TRHDE: variants seen among roughly 807,000 people sequenced by gnomAD.
TRHDE encodes thyrotropin-releasing hormone-degrading ectoenzyme.
TRHDE carries 72 observed loss-of-function variants against 125.7 expected under a neutral mutation model. The observed-to-expected ratio is 0.57, with a 90% confidence interval of 0.47 to 0.70. The LOEUF (loss-of-function observed/expected upper bound fraction) is 0.70, where lower values mean the gene tolerates loss of function less well. Ranked by LOEUF, TRHDE falls within the 30% of genes least tolerant of loss-of-function variation. The probability of loss-of-function intolerance (pLI) is 0.00; values close to 1 mark genes in which losing one functional copy is unlikely to be tolerated. For synonymous variants in TRHDE, 509 were observed against 509.1 expected, an observed-to-expected ratio of 1.00 and a Z score of 0.00; for missense variants, 1,110 against 1,327.1, an observed-to-expected ratio of 0.84 and a Z score of 2.54.
At chr12:72,322,082 C>G (rs1262939843) in intron 2 of TRHDE, among the ~76,000 whole-genome samples, 2 of 152,110 alleles carry the variant, frequency 1.3e-5, no homozygotes, top group African/African-American at 4.8e-5. Context: ...ATTCTATTTG[C>G]TAAAATGTAT....
intron 5 of TRHDE, among the ~76,000 whole-genome samples, chr12:72,481,098 A>C (rs908949700): frequency 6.6e-6 from 1 of 152,076 alleles, no homozygotes; most frequent in African/African-American, 2.4e-5. Flanking sequence ...GCAACCAAAG[A>C]AAAATTCATT....
rs910960732 is a variant in TRHDE, at chr12:72,433,476, T to C, written c.1316-36282T>C. 3.9e-5 allele frequency among the ~76,000 whole-genome samples: 6 copies of C among 152,194 alleles called. No individual in the cohort carries two copies. In the South Asian group the frequency reaches 1.2e-3, roughly 32 times the overall value. ...GGTGCTGGACAGGAGCAGTAGCCTT[T>C]AGTCTCCTTGGCTTGCCTCCCCGAG... is the stretch of plus-strand genomic sequence containing the variant. On this transcript the variant is annotated intron_variant, in intron 3 of 18. Coordinates refer to ENST00000261180, the MANE Select transcript of TRHDE (RefSeq NM_013381.3).
At chr12:72,332,004 A>G (rs1869619760) in intron 2 of TRHDE, among the ~76,000 whole-genome samples, 1 of 152,172 alleles carries the variant, frequency 6.6e-6, no homozygotes, top group African/African-American at 2.4e-5. Flanking sequence ...TGTAGGCTTT[A>G]CAAGAAGCAT....
chr12:72,655,707 C>A (rs1565825282), intron 17 of TRHDE, among the ~76,000 whole-genome samples: 1 of 152,124 alleles, frequency 6.6e-6, no homozygotes, highest in Non-Finnish European at 1.5e-5. Context: ...CTTATTATAT[C>A]TTCACAGGAC....
chr12:72,201,364 A>C (rs1431865024), intron 2 of TRHDE, among the ~76,000 whole-genome samples: 1 of 152,196 alleles, frequency 6.6e-6, no homozygotes, highest in African/African-American at 2.4e-5. Flanking sequence ...AAAATAAAGT[A>C]GAAAATTGGA....
At chr12:72,588,918 G>C (rs1342426515) in intron 12 of TRHDE, among the ~76,000 whole-genome samples, 1 of 152,134 alleles carries the variant, frequency 6.6e-6, no homozygotes, top group African/African-American at 2.4e-5. Context: ...GGTAGGAAAA[G>C]GAAGTGGAAA....
intron 1 of TRHDE, among the ~76,000 whole-genome samples, chr12:72,091,661 G>C (rs1236573845): frequency 6.6e-6 from 1 of 152,144 alleles, no homozygotes; most frequent in African/African-American, 2.4e-5. Flanking sequence ...GTATACCACT[G>C]GGGGCTATAT....
At chr12:72,393,713 C>G (rs1399330262) in intron 3 of TRHDE, among the ~76,000 whole-genome samples, 2 of 152,088 alleles carry the variant, frequency 1.3e-5, no homozygotes, top group African/African-American at 4.8e-5. Flanking sequence ...TTGATTTATT[C>G]TGATCGGTAT....
At chr12:72,127,446 T>C (rs1420918003) in intron 2 of TRHDE, among the ~76,000 whole-genome samples, 1 of 152,188 alleles carries the variant, frequency 6.6e-6, no homozygotes, top group African/African-American at 2.4e-5. Context: ...TAGGTGCCCA[T>C]CAATGGTGGA....
At chr12:72,334,320 G>C (rs929000948) in intron 2 of TRHDE, among the ~76,000 whole-genome samples, 4 of 152,150 alleles carry the variant, frequency 2.6e-5, no homozygotes, top group Non-Finnish European at 2.9e-5. Flanking sequence ...CTTCATGATA[G>C]AACAGATATA....
chr12:72,118,575 T>C (rs1875502251), intron 2 of TRHDE, among the ~76,000 whole-genome samples: 1 of 152,164 alleles, frequency 6.6e-6, no homozygotes, highest in African/African-American at 2.4e-5. Flanking sequence ...AGAATAAGTT[T>C]GGCAGTATTG....
At chr12:72,228,282 C>T (rs1213865433) in intron 2 of TRHDE, among the ~76,000 whole-genome samples, 4 of 152,200 alleles carry the variant, frequency 2.6e-5, no homozygotes, top group East Asian at 3.8e-4. Flanking sequence ...TCCCAAACCT[C>T]GGTTCTTTAC....
At chr12:72,162,502 A>G (rs1031428070) in intron 2 of TRHDE, among the ~76,000 whole-genome samples, 2 of 152,120 alleles carry the variant, frequency 1.3e-5, no homozygotes, top group African/African-American at 4.8e-5. Context: ...TGCATTGGCG[A>G]TGGTTGCTTT....
rs5799077 is a variant in TRHDE at position 72,479,647 on chromosome 12, GT to G, written c.1584+6476del. 1.9e-4 allele frequency among the ~76,000 whole-genome samples: 28 copies of G among 148,896 alleles called. No individual in the cohort carries two copies. The South Asian group carries it at 3.8e-3, about 20-fold the overall frequency. ...ACATGTTTTTAAAGGATTTTTTTTT[GT>G]TTTTTTTTAATTTTTATTTTATTAT... is the stretch of plus-strand genomic sequence containing the variant. On this transcript the variant is annotated intron_variant, in intron 5 of 18. Coordinates refer to ENST00000261180, the MANE Select transcript of TRHDE (RefSeq NM_013381.3).
intron 7 of TRHDE, among the ~76,000 whole-genome samples, chr12:72,550,667 G>A (rs1869632790): frequency 6.6e-6 from 1 of 151,764 alleles, no homozygotes; most frequent in Non-Finnish European, 1.5e-5. Context: ...TTACTTTGGT[G>A]TCTAATTTTT....
At chr12:72,303,330 T>A (rs1027947543) in intron 2 of TRHDE, 1 of 152,102 alleles carries the variant, frequency 6.6e-6, no homozygotes, top group Admixed American at 6.6e-5. Context: ...GTATCGTCTA[T>A]GGTCAGGGAT....
chr12:72,138,932 T>A (rs373868288), intron 2 of TRHDE, among the ~76,000 whole-genome samples: 2 of 152,156 alleles, frequency 1.3e-5, no homozygotes, highest in Admixed American at 1.3e-4. Context: ...AACTTGGCTG[T>A]GGGAAGCAAG....
At chr12:72,606,413 G>A (rs993481649) in intron 12 of TRHDE, among the ~76,000 whole-genome samples, 4 of 152,144 alleles carry the variant, frequency 2.6e-5, no homozygotes, top group African/African-American at 9.7e-5. Context: ...GGCACGTGAT[G>A]CTGAATTCTA....
intron 3 of TRHDE, among the ~76,000 whole-genome samples, chr12:72,384,421 G>A (rs889157713): frequency 5.9e-5 from 9 of 151,944 alleles, no homozygotes; most frequent in African/African-American, 1.5e-4. Flanking sequence ...TTAGAGACTC[G>A]CACAATATGG....
Sources: allele counts gnomAD v4.1 joint callset (sites outside exome capture counted in the v4.1 genomes callset), GRCh38; gene constraint gnomAD v4.1.1; transcripts MANE v1.5; gene names NCBI Gene and HGNC (gene_info 2026-07-23, HGNC 2026-07-21).